GRID2: variants seen among roughly 807,000 people sequenced by gnomAD.
GRID2 encodes the protein glutamate receptor ionotropic, delta-2.
A neutral mutation model predicts 114.8 loss-of-function variants in GRID2; 33 were observed. The observed-to-expected ratio is 0.29, with a 90% confidence interval of 0.22 to 0.38. GRID2 has a LOEUF of 0.38. Among genes scored for constraint, GRID2 ranks in the 10% least tolerant of loss-of-function variants. The probability of loss-of-function intolerance (pLI) is 1.00; values close to 1 mark genes in which losing one functional copy is unlikely to be tolerated. For synonymous variants in GRID2, 505 were observed against 449.9 expected, an observed-to-expected ratio of 1.12 and a Z score of -1.55; for missense variants, 1,184 against 1,257.7, an observed-to-expected ratio of 0.94 and a Z score of 0.89.
At chr4:92,553,108 G>T (rs1013843893) in intron 1 of GRID2, among the ~76,000 whole-genome samples, 1 of 152,056 alleles carries the variant, frequency 6.6e-6, no homozygotes, top group Non-Finnish European at 1.5e-5. Context: ...AGGCTAAGAG[G>T]CCATAATTTT....
chr4:93,139,925 C>T (rs1366636890), intron 4 of GRID2, among the ~76,000 whole-genome samples: 1 of 151,964 alleles, frequency 6.6e-6, no homozygotes, highest in Non-Finnish European at 1.5e-5. Flanking sequence ...TTGGGGTGAT[C>T]AAGAATGTTT....
chr4:93,699,378 C>T (rs532966059), intron 14 of GRID2, among the ~76,000 whole-genome samples: 1 of 152,130 alleles, frequency 6.6e-6, no homozygotes, highest in East Asian at 1.9e-4. Context: ...TATTTACTCT[C>T]TTTAAGGAGG....
chr4:92,388,945 T>G (rs889011190), intron 1 of GRID2, among the ~76,000 whole-genome samples: 3 of 152,110 alleles, frequency 2.0e-5, no homozygotes, highest in African/African-American at 7.2e-5. Context: ...ATATACCGCA[T>G]TCTCTTTGGG....
intron 2 of GRID2, among the ~76,000 whole-genome samples, chr4:92,722,902 C>T (rs1003894792): frequency 6.6e-6 from 1 of 151,436 alleles, no homozygotes; most frequent in African/African-American, 2.4e-5. Context: ...AGAAAAGGAT[C>T]TCAAACTTTA....
chr4:92,990,663 A>C (rs766886182), intron 2 of GRID2, among the ~76,000 whole-genome samples: 19 of 152,044 alleles, frequency 1.2e-4, no homozygotes, highest in Non-Finnish European at 2.5e-4. Flanking sequence ...GTATATTTAC[A>C]TTGCAAATAT....
At chr4:93,296,370 C>A (rs1481460171) in intron 8 of GRID2, among the ~76,000 whole-genome samples, 1 of 138,372 alleles carries the variant, frequency 7.2e-6, no homozygotes, top group African/African-American at 2.7e-5. Context: ...TCTGTAGAGA[C>A]CCATTTTCCT....
chr4:93,584,220 C>T (rs1215643445), intron 13 of GRID2, among the ~76,000 whole-genome samples: 1 of 152,104 alleles, frequency 6.6e-6, no homozygotes, highest in Non-Finnish European at 1.5e-5. Context: ...TCTAAAGGCT[C>T]TCTTATAACA....
At chr4:93,036,626 C>T (rs2149263498) in intron 2 of GRID2, among the ~76,000 whole-genome samples, 1 of 152,150 alleles carries the variant, frequency 6.6e-6, no homozygotes, top group Admixed American at 6.5e-5. Flanking sequence ...TATCAGAAAA[C>T]ACAGCAAAGC....
At chr4:93,068,084 A>T (rs1043256465) in intron 2 of GRID2, among the ~76,000 whole-genome samples, 1 of 152,062 alleles carries the variant, frequency 6.6e-6, no homozygotes, top group Non-Finnish European at 1.5e-5. Context: ...CTGGTTATAG[A>T]CTTTAATCTC....
intron 1 of GRID2, among the ~76,000 whole-genome samples, chr4:92,409,095 G>T (rs1731173123): frequency 6.6e-6 from 1 of 152,026 alleles, no homozygotes; most frequent in South Asian, 2.1e-4. Flanking sequence ...GTATGATTTG[G>T]CTGTGGGTTT....
intron 2 of GRID2, among the ~76,000 whole-genome samples, chr4:93,061,891 G>A (rs751635715): frequency 1.3e-5 from 2 of 152,082 alleles, no homozygotes; most frequent in East Asian, 1.9e-4. Flanking sequence ...CGAGGAATCC[G>A]TAAATGCCAG....
At chr4:92,668,399 AT>A (rs1732889595) in intron 2 of GRID2, among the ~76,000 whole-genome samples, 1 of 151,682 alleles carries the variant, frequency 6.6e-6, no homozygotes, top group Non-Finnish European at 1.5e-5. Context: ...CTGTGATTGG[AT>A]TTTTTTATTC....
chr4:92,603,183 A>C (rs765585702), intron 2 of GRID2, among the ~76,000 whole-genome samples: 2 of 152,228 alleles, frequency 1.3e-5, no homozygotes, highest in Non-Finnish European at 2.9e-5. Flanking sequence ...CATTCTTCAG[A>C]GAATTAGAAA....
chr4:93,366,065 C>T (rs1762304696), intron 8 of GRID2, among the ~76,000 whole-genome samples: 2 of 151,920 alleles, frequency 1.3e-5, no homozygotes, highest in Non-Finnish European at 2.9e-5. Flanking sequence ...GTAATAATTG[C>T]ATTAACTGCA....
intron 4 of GRID2, among the ~76,000 whole-genome samples, chr4:93,159,952 T>C (rs530496975): frequency 6.6e-6 from 1 of 151,812 alleles, no homozygotes; most frequent in Non-Finnish European, 1.5e-5. Context: ...AGTTTGATCA[T>C]CTCATTCCCG....
chr4:93,733,722 C>T (rs1730685488), intron 14 of GRID2, among the ~76,000 whole-genome samples: 1 of 152,092 alleles, frequency 6.6e-6, no homozygotes, highest in Non-Finnish European at 1.5e-5. Context: ...AAAGTAACCA[C>T]AGATTAGAAC....
intron 8 of GRID2, among the ~76,000 whole-genome samples, chr4:93,377,424 G>T (rs1182295169): frequency 6.6e-6 from 1 of 152,098 alleles, no homozygotes; most frequent in African/African-American, 2.4e-5. Context: ...GCACTGGAGA[G>T]CTAGCTGAGG....
chr4:93,552,574 A>G (rs898281485), intron 13 of GRID2, among the ~76,000 whole-genome samples: 11 of 152,136 alleles, frequency 7.2e-5, no homozygotes, highest in African/African-American at 2.7e-4. Context: ...TCGCCATTCT[A>G]ACTGGTGTGA....
chr4:93,769,514 C>T, intron 15 of GRID2, 64 bp downstream of exon 15: 3 of 1,526,266 alleles, frequency 2.0e-6, no homozygotes, highest in South Asian at 1.1e-5. Context: ...CCAGGGAGGA[C>T]CATCCCAGGG....
Sources: gnomAD v4.1 joint callset for allele counts (sites outside exome capture counted in the v4.1 genomes callset) on GRCh38, gnomAD v4.1.1 for gene constraint, MANE v1.5 for transcripts, NCBI Gene and HGNC (gene_info 2026-07-23, HGNC 2026-07-21) for gene names.